The following KCNIP4 variants were observed in gnomAD, a reference collection of about 807,000 sequenced individuals.
KCNIP4 encodes the protein Kv channel-interacting protein 4.
KCNIP4 carries 12 observed loss-of-function variants against 34.0 expected under a neutral mutation model. The ratio of observed to expected loss-of-function variants is 0.35; its 90% CI spans 0.23 to 0.57. KCNIP4 has a LOEUF of 0.57. Among genes scored for constraint, KCNIP4 ranks in the 20% least tolerant of loss-of-function variants. The probability of loss-of-function intolerance (pLI) is 0.83; values close to 1 mark genes in which losing one functional copy is unlikely to be tolerated. For synonymous variants in KCNIP4, 124 were observed against 102.2 expected (o/e 1.21, Z -1.29); for missense variants, 238 against 311.7 (o/e 0.76, Z 1.78).
intron 1 of KCNIP4, among the ~76,000 whole-genome samples, chr4:21,902,124 T>C (rs1032917568): frequency 5.3e-5 from 8 of 152,076 alleles, no homozygotes; most frequent in African/African-American, 1.9e-4. Flanking sequence ...GATGGGAAAA[T>C]TCTCTGAGAA....
chr4:21,101,548 G>A (rs959887611), intron 1 of KCNIP4, among the ~76,000 whole-genome samples: 2 of 152,154 alleles, frequency 1.3e-5, no homozygotes, highest in South Asian at 4.2e-4. Flanking sequence ...TCCAAAGAAG[G>A]GCAGATATGT....
At chr4:21,735,746 C>T (rs933946906) in intron 1 of KCNIP4, among the ~76,000 whole-genome samples, 6 of 152,080 alleles carry the variant, frequency 3.9e-5, no homozygotes, top group African/African-American at 1.4e-4. Context: ...CAAAGATAAG[C>T]AAAATCTGTC....
intron 1 of KCNIP4, among the ~76,000 whole-genome samples, chr4:21,019,258 C>G (rs1011582798): frequency 6.6e-6 from 1 of 152,122 alleles, no homozygotes; most frequent in African/African-American, 2.4e-5. Flanking sequence ...CTGGTTCAAG[C>G]AATTCCCCTG....
intron 1 of KCNIP4, among the ~76,000 whole-genome samples, chr4:21,065,726 CTATATATA>C (rs5856598): frequency 0.082 from 7,119 of 86,322 alleles, 236 homozygotes; most frequent in East Asian, 0.21. Flanking sequence ...TATCATTTGT[CTATATATA>C]TATATATATA....
At chr4:21,255,174 C>G (rs1278204251) in intron 1 of KCNIP4, among the ~76,000 whole-genome samples, 3 of 152,112 alleles carry the variant, frequency 2.0e-5, no homozygotes, top group Admixed American at 1.3e-4. Context: ...TACCTGTGTC[C>G]CATCCCTTCT....
chr4:21,735,879 A>C (rs1715960561), intron 1 of KCNIP4, among the ~76,000 whole-genome samples: 1 of 152,104 alleles, frequency 6.6e-6, no homozygotes, highest in African/African-American at 2.4e-5. Context: ...TCATATCTCT[A>C]ATGAGAGCTC....
At chr4:21,578,550 T>C (rs1482105274) in intron 1 of KCNIP4, among the ~76,000 whole-genome samples, 1 of 151,796 alleles carries the variant, frequency 6.6e-6, no homozygotes, top group Non-Finnish European at 1.5e-5. Context: ...AGTAAGAAAT[T>C]TTAAATAATT....
chr4:20,850,628 T>C lies in KCNIP4; in HGVS notation c.203A>G (p.His68Arg). The C allele has an allele frequency of 6.2e-7, 1 of 1,612,510 alleles. No homozygotes were observed. Among genetic ancestry groups the C allele is most frequent in the African/African-American group, 1.3e-5 (1 of 75,018 alleles). Residue 68 changes from histidine to arginine, a missense_variant, in exon 3 of 9, where the codon CAT (histidine) becomes CGT (arginine). Transcript: ENST00000382152. ...EDELEMATVRHRPEALELLEA... is the reference protein window; with the variant it reads ...EDELEMATVRRRPEALELLEA... ...CAGAAGCTCAAGGGCTTCAGGCCGA[T>C]GCCTGACGGTGGCCATCTCCAGTTC...
chr4:20,875,414 T>TTTAGGATATAATGAGTTATACTCA (rs1403056767), intron 2 of KCNIP4, among the ~76,000 whole-genome samples: 3 of 152,146 alleles, frequency 2.0e-5, no homozygotes, highest in African/African-American at 7.2e-5. Context: ...CAGAGTTATT[T>TTTAGGATATAATGAGTTATACTCA]TTAGGATATA....
chr4:21,107,562 G>T (rs1210443642), intron 1 of KCNIP4, among the ~76,000 whole-genome samples: 2 of 148,676 alleles, frequency 1.3e-5, no homozygotes, highest in Non-Finnish European at 3.0e-5. Context: ...CAATTTGCCA[G>T]TCTATGTCTT....
At chr4:20,764,131 A>G (rs569507501) in intron 3 of KCNIP4, among the ~76,000 whole-genome samples, 2 of 152,250 alleles carry the variant, frequency 1.3e-5, no homozygotes, top group South Asian at 4.1e-4. Flanking sequence ...TCTATTTTCT[A>G]ATGAAATTTT....
intron 1 of KCNIP4, among the ~76,000 whole-genome samples, chr4:21,411,625 G>A (rs1255083505): frequency 6.6e-6 from 1 of 152,002 alleles, no homozygotes; most frequent in African/African-American, 2.4e-5. Context: ...GACCAGCCTG[G>A]ACAACATGGC....
intron 1 of KCNIP4, among the ~76,000 whole-genome samples, chr4:21,179,884 T>A (rs1043698463): frequency 6.6e-6 from 1 of 152,236 alleles, no homozygotes; most frequent in African/African-American, 2.4e-5. Flanking sequence ...ACAGTTTACA[T>A]AAGCTACCTC....
Position 21,614,307 on chromosome 4 carries a change from C to G in KCNIP4, c.61+334264G>C, listed in dbSNP as rs114274975. Among the ~76,000 whole-genome samples, 900 of 152,020 alleles carry G rather than the reference C, an allele frequency of 5.9e-3. 13 individuals are homozygous for G. The highest frequency in any genetic ancestry group is 0.02 in the African/African-American group (845 of 41,478). ...GGTGTTTAGGCATATGCTATACAAA[C>G]TTCCAGGGCATAAAACCAGGCCAGA... On this transcript the variant is annotated intron_variant, in intron 1 of 8. Coordinates refer to ENST00000382152, the MANE Select transcript of KCNIP4 (RefSeq NM_025221.6).
intron 1 of KCNIP4, among the ~76,000 whole-genome samples, chr4:21,903,175 A>C (rs1308382137): frequency 3.3e-5 from 5 of 152,150 alleles, no homozygotes; most frequent in Admixed American, 1.3e-4. Context: ...AGTATGTTTA[A>C]ATTTGATAGA....
intron 1 of KCNIP4, among the ~76,000 whole-genome samples, chr4:21,662,451 A>G (rs1748524968): frequency 6.6e-6 from 1 of 152,236 alleles, no homozygotes; most frequent in Non-Finnish European, 1.5e-5. Flanking sequence ...ACATCTGCCT[A>G]CAAAGTGATT....
At chr4:21,372,290 T>G (rs1378022441) in intron 1 of KCNIP4, among the ~76,000 whole-genome samples, 1 of 146,964 alleles carries the variant, frequency 6.8e-6, no homozygotes, top group Non-Finnish European at 1.5e-5. Context: ...TTTTTAAAGT[T>G]TCTGTATATT....
chr4:21,569,052 A>T (rs1268278657), intron 1 of KCNIP4, among the ~76,000 whole-genome samples: 1 of 151,870 alleles, frequency 6.6e-6, no homozygotes, highest in East Asian at 1.9e-4. Flanking sequence ...AACCCTGCTG[A>T]TGCCTTGATC....
At chr4:21,498,207 C>T (rs28635194) in intron 1 of KCNIP4, among the ~76,000 whole-genome samples, 5,506 of 152,196 alleles carry the variant, frequency 0.036, 305 homozygotes, top group African/African-American at 0.12. Context: ...AAAACTAATA[C>T]GAAAGAATAT....
Sources: allele counts gnomAD v4.1 joint callset (sites outside exome capture counted in the v4.1 genomes callset), GRCh38; gene constraint gnomAD v4.1.1; transcripts MANE v1.5; gene names NCBI Gene and HGNC (gene_info 2026-07-23, HGNC 2026-07-21).